Variants in PTPRT observed in about 807,000 individuals in gnomAD.
PTPRT encodes protein tyrosine phosphatase receptor type T.
Under a neutral mutation model 176.8 loss-of-function variants are expected in PTPRT, and 56 were observed. The ratio of observed to expected loss-of-function variants is 0.32; its 90% CI spans 0.26 to 0.40. The LOEUF (loss-of-function observed/expected upper bound fraction) is 0.40, where lower values mean the gene tolerates loss of function less well. Ranked by LOEUF, PTPRT falls within the 10% of genes least tolerant of loss-of-function variation. The pLI, the probability that PTPRT is intolerant of heterozygous loss-of-function variation, is 1.00. For synonymous variants in PTPRT, 783 were observed against 739.0 expected, an observed-to-expected ratio of 1.06 and a Z score of -0.96; for missense variants, 1,540 against 1,908.2, an observed-to-expected ratio of 0.81 and a Z score of 3.60.
chr20:42,628,056 C>T (rs938491548), intron 7 of PTPRT, among the ~76,000 whole-genome samples: 2 of 152,096 alleles, frequency 1.3e-5, no homozygotes, highest in African/African-American at 4.8e-5. Context: ...GCCTAGGAGC[C>T]ATCACAGCCC....
intron 6 of PTPRT, among the ~76,000 whole-genome samples, chr20:42,742,461 T>C (rs1464273147): frequency 6.6e-6 from 1 of 152,166 alleles, no homozygotes; most frequent in Non-Finnish European, 1.5e-5. Flanking sequence ...GGTGCTGTAC[T>C]CCACATAGTC....
At position 42,340,296 on chromosome 20, in the gene PTPRT, T is replaced by C. The variant is rs1231449775; in HGVS notation, c.1865+10332A>G. On this transcript the variant is annotated intron_variant, in intron 11 of 30. Transcript: ENST00000373187. The stretch of plus-strand genomic sequence containing the variant: ...TTCTTGCAGTTGTTACTGGGGGTGC[T>C]ACATCTTGCTCTGGGCATGAATACT... Among the ~76,000 whole-genome samples the C allele has an allele frequency of 2.6e-5, 4 of 152,348 alleles. No individual in the cohort carries two copies. The East Asian group carries it at 5.8e-4, about 22-fold the overall frequency.
intron 6 of PTPRT, among the ~76,000 whole-genome samples, chr20:42,720,589 A>G (rs957157365): frequency 3.9e-5 from 6 of 152,230 alleles, no homozygotes; most frequent in Non-Finnish European, 7.3e-5. Context: ...CACTCCTTGT[A>G]TAGAGAGAAG....
chr20:42,345,606 GTGTGTGTGTGTGTA>G (rs1330747068), intron 11 of PTPRT, among the ~76,000 whole-genome samples: 18 of 140,312 alleles, frequency 1.3e-4, no homozygotes, highest in African/African-American at 4.1e-4. Context: ...GTGTGTGTGT[GTGTGTGTGTGTGTA>G]TATATATGTA....
At chr20:42,646,169 G>A (rs1351575177) in intron 7 of PTPRT, among the ~76,000 whole-genome samples, 1 of 151,776 alleles carries the variant, frequency 6.6e-6, no homozygotes, top group Non-Finnish European at 1.5e-5. Flanking sequence ...CCCTCAACTG[G>A]TAGGTGTCAC....
chr20:42,721,291 G>T (rs1306719938), intron 6 of PTPRT, among the ~76,000 whole-genome samples: 1 of 152,178 alleles, frequency 6.6e-6, no homozygotes, highest in Non-Finnish European at 1.5e-5. Flanking sequence ...GAAAGACAAG[G>T]AACAAGGGGA....
chr20:43,023,497 C>A (rs768848729), intron 1 of PTPRT, among the ~76,000 whole-genome samples: 1 of 152,208 alleles, frequency 6.6e-6, no homozygotes, highest in Non-Finnish European at 1.5e-5. Flanking sequence ...TCACACAAGC[C>A]TGCAGAAAGT....
chr20:42,058,462 C>A, the PTPRT span, among the ~76,000 whole-genome samples: 3 of 152,122 alleles, frequency 2.0e-5, no homozygotes, highest in African/African-American at 7.2e-5. Context: ...GATTTGGTTC[C>A]TTGTAATCTC....
chr20:42,109,902 T>A (rs1401017105), intron 23 of PTPRT, among the ~76,000 whole-genome samples: 1 of 152,176 alleles, frequency 6.6e-6, no homozygotes, highest in Non-Finnish European at 1.5e-5. Context: ...TTAGCTGACC[T>A]TGTGACCAAG....
intron 16 of PTPRT, among the ~76,000 whole-genome samples, chr20:42,183,749 C>T (rs1990616811): frequency 1.3e-5 from 2 of 152,086 alleles, no homozygotes; most frequent in African/African-American, 2.4e-5. Flanking sequence ...GAGTCTGCTC[C>T]TCTACTCCCT....
intron 18 of PTPRT, among the ~76,000 whole-genome samples, chr20:42,132,737 C>G (rs2146378351): frequency 6.6e-6 from 1 of 152,306 alleles, no homozygotes; most frequent in African/African-American, 2.4e-5. Context: ...AATGGTACAG[C>G]CACTTTGGAA....
intron 2 of PTPRT, among the ~76,000 whole-genome samples, chr20:42,875,679 C>G (rs1337271093): frequency 6.6e-6 from 1 of 152,162 alleles, no homozygotes; most frequent in Non-Finnish European, 1.5e-5. Context: ...ACTCTGAATA[C>G]AGTGGCATAA....
At chr20:43,188,040 T>C (rs1020701051) in intron 1 of PTPRT, among the ~76,000 whole-genome samples, 4 of 152,206 alleles carry the variant, frequency 2.6e-5, no homozygotes, top group Admixed American at 6.5e-5. Flanking sequence ...TGGAATATTT[T>C]TGATCCTGTT....
At chr20:43,073,552 TTTTA>T (rs1259733150) in intron 1 of PTPRT, among the ~76,000 whole-genome samples, 3 of 151,728 alleles carry the variant, frequency 2.0e-5, no homozygotes, top group African/African-American at 7.3e-5. Flanking sequence ...CACATGTGTT[TTTTA>T]TATATATAAA....
At chr20:42,990,167 AAAG>A (rs752915528) in intron 1 of PTPRT, among the ~76,000 whole-genome samples, 6 of 152,232 alleles carry the variant, frequency 3.9e-5, no homozygotes, top group Non-Finnish European at 5.9e-5. Flanking sequence ...GTCTATGGGA[AAAG>A]AAGGCATGAT....
chr20:42,630,484 G>A (rs1159574952), intron 7 of PTPRT, among the ~76,000 whole-genome samples: 1 of 152,094 alleles, frequency 6.6e-6, no homozygotes, highest in Non-Finnish European at 1.5e-5. Flanking sequence ...CACCATGGGA[G>A]GAATAGTTGA....
intron 1 of PTPRT, among the ~76,000 whole-genome samples, chr20:42,897,673 C>G (rs2079327196): frequency 6.6e-6 from 1 of 152,168 alleles, no homozygotes; most frequent in South Asian, 2.1e-4. Flanking sequence ...AGACACAGAA[C>G]AAGGTAGCAG....
chr20:43,040,714 G>A (rs1413430503), intron 1 of PTPRT, among the ~76,000 whole-genome samples: 2 of 152,166 alleles, frequency 1.3e-5, no homozygotes, highest in East Asian at 1.9e-4. Context: ...AACCCTTCCA[G>A]AAGAAGCATT....
intron 1 of PTPRT, among the ~76,000 whole-genome samples, chr20:42,911,984 T>TC (rs1012598308): frequency 1.3e-4 from 19 of 150,848 alleles, no homozygotes; most frequent in Non-Finnish European, 2.5e-4. Flanking sequence ...TTCTTTTTTT[T>TC]TTTTTTTTTT....
Sources: gnomAD v4.1 joint callset for allele counts (sites outside exome capture counted in the v4.1 genomes callset) on GRCh38, gnomAD v4.1.1 for gene constraint, MANE v1.5 for transcripts, NCBI Gene and HGNC (gene_info 2026-07-23, HGNC 2026-07-21) for gene names.